FKBP5: variants seen among roughly 807,000 people sequenced by gnomAD.
The protein encoded by FKBP5 is FKBP prolyl isomerase 5.
Under a neutral mutation model 50.5 loss-of-function variants are expected in FKBP5, and 23 were observed. The ratio of observed to expected loss-of-function variants is 0.46; its 90% confidence interval spans 0.33 to 0.65. The LOEUF (loss-of-function observed/expected upper bound fraction) is 0.65, where lower values mean the gene tolerates loss of function less well. FKBP5 is among the 30% of genes least tolerant of loss of function. The probability of loss-of-function intolerance (pLI) is 0.02; values close to 1 mark genes in which losing one functional copy is unlikely to be tolerated. For missense variants in FKBP5, 411 were observed against 553.1 expected, an observed-to-expected ratio of 0.74 and a Z score of 2.58; for synonymous variants, 176 against 190.6, an observed-to-expected ratio of 0.92 and a Z score of 0.63.
intron 3 of FKBP5, among the ~76,000 whole-genome samples, chr6:35,631,633 T>G (rs1561867108): frequency 6.6e-6 from 1 of 152,248 alleles, no homozygotes; most frequent in South Asian, 2.1e-4. Flanking sequence ...GTCACCTAAA[T>G]TATACTAATT....
In FKBP5 at chr6:35,591,134, T is replaced by C; in HGVS notation, c.752A>G (p.Glu251Gly). 1 of 1,604,106 alleles carries C rather than the reference T, an allele frequency of 6.2e-7. No homozygotes were observed. The highest frequency in any genetic ancestry group is 8.5e-7 in the Non-Finnish European group (1 of 1,175,220). ...LIYEVTLKSF[E>G]KAKESWEMDT... ...AGGAAGTTGGTATTTTCTCACCTTT[T>C]CGAAGCTCTTAAGTGTAACTTCATA... Residue 251 changes from glutamate (E) to glycine (G), a missense_variant, in exon 7 of 11, where the codon GAA (glutamate) becomes GGA (glycine). By Grantham distance (98) the Glu-to-Gly change is moderately conservative. Transcript: ENST00000357266.
chr6:35,591,095 C>G (rs1174452411), intron 7 of FKBP5, 35 bp downstream of exon 7: 1 of 1,382,548 alleles, frequency 7.2e-7, no homozygotes, highest in Non-Finnish European at 1.0e-6. Context: ...GAGAAGAAAC[C>G]TACCATAATT....
intron 2 of FKBP5, among the ~76,000 whole-genome samples, chr6:35,638,542 C>T (rs948801662): frequency 5.3e-5 from 8 of 152,016 alleles, no homozygotes; most frequent in African/African-American, 1.4e-4. Context: ...CTCAGCCTCC[C>T]GAGTAGCAGA....
intron 2 of FKBP5, among the ~76,000 whole-genome samples, chr6:35,705,709 G>A (rs988862101): frequency 1.3e-5 from 2 of 152,184 alleles, no homozygotes; most frequent in Non-Finnish European, 2.9e-5. Flanking sequence ...CTATCTGGGG[G>A]TGAGGAGGGT....
chr6:35,706,726 A>G (rs1020422041), intron 2 of FKBP5, among the ~76,000 whole-genome samples: 1 of 152,208 alleles, frequency 6.6e-6, no homozygotes. Context: ...AATTCATTCT[A>G]TAGCTGTACT....
chr6:35,705,095 C>A (rs181599965), intron 2 of FKBP5, among the ~76,000 whole-genome samples: 3 of 150,314 alleles, frequency 2.0e-5, no homozygotes, highest in Non-Finnish European at 4.4e-5. Flanking sequence ...GAGCTGACAT[C>A]GCGCCACTGC....
chr6:35,585,701 C>T (rs1762577527), intron 8 of FKBP5: 1 of 948,210 alleles, frequency 1.1e-6, no homozygotes, highest in Non-Finnish European at 1.3e-6. Flanking sequence ...TTGAATACCA[C>T]CCACAGTAAG....
chr6:35,717,216 G>A (rs1766526485), intron 2 of FKBP5, among the ~76,000 whole-genome samples: 1 of 152,212 alleles, frequency 6.6e-6, no homozygotes, highest in African/African-American at 2.4e-5. Flanking sequence ...AGAGGCAGCT[G>A]GGAACCAACA....
intron 2 of FKBP5, among the ~76,000 whole-genome samples, chr6:35,708,008 G>C (rs1181044890): frequency 6.6e-6 from 1 of 152,128 alleles, no homozygotes; most frequent in Non-Finnish European, 1.5e-5. Context: ...GGTCGGTCAA[G>C]GTGTGGGAAA....
intron 7 of FKBP5, 131 bp from the exon 8 acceptor site, chr6:35,587,248 G>A (rs1762629491): frequency 1.2e-6 from 1 of 801,404 alleles, no homozygotes; most frequent in Non-Finnish European, 2.1e-6. Flanking sequence ...GAAATTGTGT[G>A]TCAGTGCCAA....
At chr6:35,688,094 C>T (rs1765886029) in intron 1 of FKBP5, among the ~76,000 whole-genome samples, 1 of 152,382 alleles carries the variant, frequency 6.6e-6, no homozygotes, top group Non-Finnish European at 1.5e-5. Flanking sequence ...CGCGGATCAC[C>T]TGTTAGACGG....
intron 7 of FKBP5, among the ~76,000 whole-genome samples, chr6:35,589,313 T>C (rs1394258745): frequency 2.6e-5 from 4 of 151,076 alleles, no homozygotes; most frequent in Non-Finnish European, 4.4e-5. Context: ...ATTTTTAGCA[T>C]AGATGGGTTT....
intron 1 of FKBP5, among the ~76,000 whole-genome samples, chr6:35,662,860 C>T (rs1033297933): frequency 6.6e-6 from 1 of 152,152 alleles, no homozygotes; most frequent in African/African-American, 2.4e-5. Context: ...AGACCCTGTT[C>T]TAGGAGCTAC....
At chr6:35,624,280 A>G (rs1763929445) in intron 3 of FKBP5, among the ~76,000 whole-genome samples, 1 of 152,162 alleles carries the variant, frequency 6.6e-6, no homozygotes, top group Non-Finnish European at 1.5e-5. Flanking sequence ...ATCTCGCAAA[A>G]TATCAACATG....
At position 35,640,178 on chromosome 6, in the gene FKBP5, C is replaced by T. The variant is rs73748206; in HGVS notation, c.105+2542G>A. ...AAATGTGTTCTTAGATGATTTCATC[C>T]TTATGTGAACATCGCAGAGTGTACT... On this transcript the variant is annotated intron_variant, in intron 2 of 10. Transcript: ENST00000357266. Among the ~76,000 whole-genome samples, 5,458 of 152,292 alleles carry T rather than the reference C, an allele frequency of 0.036. 130 individuals are homozygous for T. Among genetic ancestry groups the T allele is most frequent in the African/African-American group, 0.071 (2,941 of 41,538 alleles).
At chr6:35,707,484 G>A (rs1034352067) in intron 2 of FKBP5, among the ~76,000 whole-genome samples, 2 of 151,982 alleles carry the variant, frequency 1.3e-5, no homozygotes, top group African/African-American at 2.4e-5. Context: ...GCCTCCCAAA[G>A]TGCTGGGATT....
chr6:35,686,714 A>C lies in FKBP5; in HGVS notation c.-20+2090T>G, dbSNP rs1765838019. Among the ~76,000 whole-genome samples the C allele has an allele frequency of 2.0e-5, 3 of 152,342 alleles. No individual in the cohort carries two copies. In the South Asian group the frequency reaches 6.2e-4, roughly 32 times the overall value. On this transcript the variant is annotated intron_variant, in intron 1 of 10. Transcript: ENST00000357266. ...TGTTCTTTCCTCTCCAGACTAATTC[A>C]TCCTAAGCAGAGAAGCCTTTAGGAA... is the stretch of plus-strand genomic sequence containing the variant.
intron 3 of FKBP5, among the ~76,000 whole-genome samples, chr6:35,627,960 C>T (rs942979214): frequency 1.3e-4 from 16 of 127,514 alleles, no homozygotes; most frequent in East Asian, 4.5e-4. Flanking sequence ...TTAGTAGAGA[C>T]GGGGTTTCAC....
intron 2 of FKBP5, among the ~76,000 whole-genome samples, chr6:35,639,565 C>T (rs984518326): frequency 6.6e-6 from 1 of 152,158 alleles, no homozygotes; most frequent in African/African-American, 2.4e-5. Flanking sequence ...ATGCTGAGGA[C>T]AGCCTGCAAA....
Sources: gnomAD v4.1 joint callset for allele counts (sites outside exome capture counted in the v4.1 genomes callset) on GRCh38, gnomAD v4.1.1 for gene constraint, MANE v1.5 for transcripts, NCBI Gene and HGNC (gene_info 2026-07-23, HGNC 2026-07-21) for gene names.